The following ROR1 variants were observed in gnomAD, a reference collection of about 807,000 sequenced individuals.
ROR1 encodes the protein ROR family WNT receptor 1.
ROR1 carries 19 observed loss-of-function variants against 78.8 expected under a neutral mutation model. The observed-to-expected ratio is 0.24, with a 90% CI of 0.17 to 0.35. The LOEUF (loss-of-function observed/expected upper bound fraction) is 0.35, where lower values mean the gene tolerates loss of function less well. Ranked by LOEUF, ROR1 falls within the 10% of genes least tolerant of loss-of-function variation. The pLI is 1.00. For synonymous variants in ROR1, 386 were observed against 433.6 expected, an observed-to-expected ratio of 0.89 and a Z score of 1.36; for missense variants, 917 against 1,177.8, an observed-to-expected ratio of 0.78 and a Z score of 3.24.
intron 4 of ROR1, among the ~76,000 whole-genome samples, chr1:64,119,638 C>CAA (rs11338825): frequency 1.7e-3 from 126 of 74,682 alleles, no homozygotes; most frequent in East Asian, 1.8e-3. Flanking sequence ...GGCTCCGTCT[C>CAA]AAAAAAAAAA....
At chr1:64,177,261 A>T (rs1402461228) in intron 8 of ROR1, among the ~76,000 whole-genome samples, 167 bp from the exon 9 acceptor site, 1 of 152,068 alleles carries the variant, frequency 6.6e-6, no homozygotes, top group African/African-American at 2.4e-5. Flanking sequence ...TGTCTATGGC[A>T]CCTCCCCTGA....
chr1:63,986,166 A>G (rs1181497251), intron 1 of ROR1, among the ~76,000 whole-genome samples: 3 of 152,216 alleles, frequency 2.0e-5, no homozygotes, highest in African/African-American at 4.8e-5. Flanking sequence ...AGCACAGAGA[A>G]GGGAATGATG....
At chr1:63,788,770 A>T (rs533117577) in intron 1 of ROR1, 2 of 533,312 alleles carry the variant, frequency 3.8e-6, no homozygotes, top group Non-Finnish European at 7.2e-6. Context: ...CTCCTTCTTG[A>T]CCTGGAGGCA....
chr1:63,854,208 T>C (rs2100335062), intron 1 of ROR1, among the ~76,000 whole-genome samples: 1 of 152,298 alleles, frequency 6.6e-6, no homozygotes, highest in South Asian at 2.1e-4. Flanking sequence ...CATATAAAAA[T>C]ATGTGACGTA....
chr1:63,860,676 G>A (rs552166227), intron 1 of ROR1, among the ~76,000 whole-genome samples: 88 of 151,210 alleles, frequency 5.8e-4, no homozygotes, highest in Admixed American at 1.2e-3. Context: ...GGGTGAGGTA[G>A]GAGAATCGCT....
intron 1 of ROR1, among the ~76,000 whole-genome samples, chr1:63,885,727 G>T (rs1416023436): frequency 2.0e-5 from 3 of 152,130 alleles, no homozygotes; most frequent in Non-Finnish European, 4.4e-5. Context: ...GGTGCCCAGA[G>T]ATGCCCTTGG....
At chr1:63,850,091 A>T (rs1645104686) in intron 1 of ROR1, among the ~76,000 whole-genome samples, 1 of 152,242 alleles carries the variant, frequency 6.6e-6, no homozygotes, top group Admixed American at 6.5e-5. Context: ...TACTAAAAAT[A>T]GTGCTTTGCC....
intron 4 of ROR1, among the ~76,000 whole-genome samples, chr1:64,102,120 TGA>T (rs2100658551): frequency 6.6e-6 from 1 of 152,216 alleles, no homozygotes; most frequent in South Asian, 2.1e-4. Flanking sequence ...CTGGAGAGAA[TGA>T]GAGACAGAGG....
At chr1:64,005,749 C>T (rs764619666) in intron 1 of ROR1, among the ~76,000 whole-genome samples, 30 of 152,062 alleles carry the variant, frequency 2.0e-4, no homozygotes, top group Non-Finnish European at 3.2e-4. Flanking sequence ...ATTCAACTTT[C>T]TACATAAAAT....
At chr1:64,103,185 T>C (rs1647636855) in intron 4 of ROR1, among the ~76,000 whole-genome samples, 2 of 152,182 alleles carry the variant, frequency 1.3e-5, no homozygotes, top group African/African-American at 2.4e-5. Context: ...GACTTGGCGA[T>C]GTGGGCTCTT....
intron 1 of ROR1, among the ~76,000 whole-genome samples, chr1:63,840,502 G>A (rs545765086): frequency 2.6e-5 from 4 of 151,918 alleles, no homozygotes; most frequent in African/African-American, 7.3e-5. Context: ...GGCTGGTCTC[G>A]AACTCTTGAC....
chr1:63,928,258 T>A (rs1300612113), intron 1 of ROR1, among the ~76,000 whole-genome samples: 1 of 152,164 alleles, frequency 6.6e-6, no homozygotes, highest in Admixed American at 6.6e-5. Flanking sequence ...GGCCCTTTTC[T>A]TGTTGCTCCT....
chr1:63,965,991 G>T (rs1036753652), intron 1 of ROR1, among the ~76,000 whole-genome samples: 1 of 152,132 alleles, frequency 6.6e-6, no homozygotes, highest in African/African-American at 2.4e-5. Context: ...GTGGGGATAG[G>T]ACTGTTACTG....
intron 2 of ROR1, among the ~76,000 whole-genome samples, chr1:64,027,608 T>C (rs1481106970): frequency 6.6e-6 from 1 of 152,186 alleles, no homozygotes; most frequent in Non-Finnish European, 1.5e-5. Context: ...TATTTCAACA[T>C]GTTAGATTTG....
intron 1 of ROR1, among the ~76,000 whole-genome samples, chr1:63,802,562 A>C (rs112582458): frequency 6.6e-6 from 1 of 152,216 alleles, no homozygotes; most frequent in Non-Finnish European, 1.5e-5. Flanking sequence ...ATTTCCTTGA[A>C]GGTGCGTTGG....
chr1:64,158,720 A>G (rs4565754), intron 7 of ROR1, among the ~76,000 whole-genome samples: 50,210 of 152,084 alleles, frequency 0.33, 8,701 homozygotes, highest in Middle Eastern at 0.42. Flanking sequence ...ACATCAGAGG[A>G]GGACCCACAC....
intron 1 of ROR1, among the ~76,000 whole-genome samples, chr1:63,979,123 A>G (rs932334702): frequency 1.9e-4 from 29 of 152,158 alleles, no homozygotes; most frequent in African/African-American, 7.0e-4. Context: ...TTTTAATCTC[A>G]TCCTAAAGCA....
chr1:63,815,477 TCTTTTTC>T (rs1644885890), intron 1 of ROR1, among the ~76,000 whole-genome samples: 2 of 141,276 alleles, frequency 1.4e-5, no homozygotes, highest in African/African-American at 6.1e-5. Flanking sequence ...TCTTTTCTTT[TCTTTTTC>T]TTTTTTTTTT....
chr1:63,805,701 G>A lies in ROR1; in HGVS notation c.91+31193G>A, dbSNP rs533243938. Among the ~76,000 whole-genome samples the A allele has an allele frequency of 2.6e-5, 4 of 152,150 alleles. No individual in the cohort carries two copies. The South Asian group carries it at 6.2e-4, about 24-fold the overall frequency. On this transcript the variant is annotated intron_variant, in intron 1 of 8. Transcript: ENST00000371079. ...CTGTCCATTTATCCACTTGGGATCCGAGCATTCCAAAGTATAAGATGCTTC... is the reference window on the plus strand; with the variant it reads ...CTGTCCATTTATCCACTTGGGATCCAAGCATTCCAAAGTATAAGATGCTTC...
Sources: gnomAD v4.1 joint callset for allele counts (sites outside exome capture counted in the v4.1 genomes callset) on GRCh38, gnomAD v4.1.1 for gene constraint, MANE v1.5 for transcripts, NCBI Gene and HGNC (gene_info 2026-07-23, HGNC 2026-07-21) for gene names.